The following TXNRD1 variants were observed in gnomAD, a reference collection of about 807,000 sequenced individuals.
The protein encoded by TXNRD1 is thioredoxin reductase 1, also known as thioredoxin reductase 1, cytoplasmic.
TXNRD1 carries 57 observed loss-of-function variants against 80.3 expected under a neutral mutation model. That is an observed-to-expected ratio of 0.71 (90% CI 0.57 to 0.89). The LOEUF is 0.89. TXNRD1 is among the 40% of genes least tolerant of loss of function. TXNRD1 has a pLI of 0.00. For missense variants in TXNRD1, 730 were observed against 803.0 expected, an observed-to-expected ratio of 0.91 and a Z score of 1.10; for synonymous variants, 291 against 285.2, an observed-to-expected ratio of 1.02 and a Z score of -0.20.
In TXNRD1 at chr12:104,251,427, G is replaced by A. The variant is rs901920024; in HGVS notation, c.92-100G>A. On this transcript the variant is annotated intron_variant, in intron 1 of 16. Coordinates refer to ENST00000525566, the MANE Select transcript of TXNRD1 (RefSeq NM_001093771.3). ...TCAGATTCCTTATTTTGGCCTGTGG[G>A]ACTTAAATGGTAATGCTTTTAGAGT... is the stretch of plus-strand genomic sequence containing the variant. 18 of 1,266,314 alleles carry A rather than the reference G, an allele frequency of 1.4e-5. No homozygotes were observed. The African/African-American group carries it at 1.9e-4, about 14-fold the overall frequency. 78.4% of individuals were successfully genotyped at this position (1,266,314 alleles called of 1,614,324 possible).
intron 1 of TXNRD1, among the ~76,000 whole-genome samples, chr12:104,245,923 C>T (rs1465478544): frequency 6.6e-6 from 1 of 151,726 alleles, no homozygotes; most frequent in African/African-American, 2.4e-5. Context: ...GCCTGGCTAA[C>T]ATGGTGAAAC....
At chr12:104,217,285 T>TA (rs200665371) in intron 1 of TXNRD1, among the ~76,000 whole-genome samples, 3,408 of 145,916 alleles carry the variant, frequency 0.023, 120 homozygotes, top group African/African-American at 0.081. Flanking sequence ...TGTGTGTGGT[T>TA]AAAAAAAAAA....
chr12:104,273,731 A>T (rs2135727667), intron 3 of TXNRD1, among the ~76,000 whole-genome samples: 1 of 152,354 alleles, frequency 6.6e-6, no homozygotes, highest in Non-Finnish European at 1.5e-5. Flanking sequence ...GCCATCCTGC[A>T]CATCCAGAAG....
rs183928805 is a variant in TXNRD1 at position 104,217,270 on chromosome 12, C to A, written c.91+1377C>A. Among the ~76,000 whole-genome samples the A allele has an allele frequency of 4.2e-5, 6 of 143,700 alleles. No homozygotes were observed. The East Asian group carries it at 8.3e-4, about 20-fold the overall frequency. The allele number at this position is 143,700 out of a possible 152,430, so 94.3% of individuals were successfully genotyped here. A position where few individuals can be genotyped will look rare whatever the true frequency, so the allele number is the denominator to read the frequency against. On this transcript the variant is annotated intron_variant, in intron 1 of 16. Transcript: ENST00000525566. ...TTTACTGTTTTTCTTTAGCTACATT[C>A]TTTTTGTGTGTGGTTAAAAAAAAAA...
At chr12:104,307,756 C>CT (rs1180144694) in intron 4 of TXNRD1, among the ~76,000 whole-genome samples, 1 of 152,048 alleles carries the variant, frequency 6.6e-6, no homozygotes, top group Non-Finnish European at 1.5e-5. Context: ...GTTTTGTGCC[C>CT]TTTTTGGGGG....
At chr12:104,333,296 A>T (rs1297699023) in intron 14 of TXNRD1, among the ~76,000 whole-genome samples, 1 of 151,954 alleles carries the variant, frequency 6.6e-6, no homozygotes, top group African/African-American at 2.4e-5. Context: ...TATATTTCAT[A>T]TTTCTTGATA....
intron 13 of TXNRD1, 58 bp from the exon 14 acceptor site, chr12:104,331,476 C>CT (rs996085716): frequency 6.1e-4 from 707 of 1,154,396 alleles, no homozygotes; most frequent in Middle Eastern, 8.4e-4. Flanking sequence ...TTTTGAATAC[C>CT]TTTTTTTTTA....
chr12:104,336,284 A>G (rs548376495), intron 15 of TXNRD1, among the ~76,000 whole-genome samples: 1 of 152,330 alleles, frequency 6.6e-6, no homozygotes, highest in Admixed American at 6.5e-5. Flanking sequence ...GTGGAAAATA[A>G]TTTTCCTACC....
chr12:104,230,958 T>C (rs1211229325), intron 1 of TXNRD1, among the ~76,000 whole-genome samples: 2 of 152,104 alleles, frequency 1.3e-5, no homozygotes, highest in African/African-American at 2.4e-5. Context: ...GGGGTGACCA[T>C]GTTGCCAGGC....
At chr12:104,322,696 A>G (rs1437468965) in intron 10 of TXNRD1, among the ~76,000 whole-genome samples, 23 of 152,080 alleles carry the variant, frequency 1.5e-4, no homozygotes, top group Admixed American at 1.5e-3. Flanking sequence ...TGTTTTTTAG[A>G]GTAGAGGTAT....
intron 3 of TXNRD1, chr12:104,265,502 G>A: frequency 6.2e-7 from 1 of 1,610,786 alleles, no homozygotes; most frequent in East Asian, 2.2e-5. Context: ...GTCTACTGTG[G>A]GCAGGTGTTT....
rs774379762 is a variant in TXNRD1 at position 104,289,026 on chromosome 12, G to T, written c.400G>T (p.Gly134Cys). The T allele has an allele frequency of 6.2e-7, 1 of 1,613,996 alleles. No individual in the cohort carries two copies. Among genetic ancestry groups the T allele is most frequent in the Non-Finnish European group, 8.5e-7 (1 of 1,179,862 alleles). Reference protein sequence around the residue: ...FVKQRKIGGHGPTLKAYQEGR... With the variant: ...FVKQRKIGGHCPTLKAYQEGR... ...GAAACAGAGAAAGATAGGCGGCCAT[G>T]GTCCAACCTTGAAGGTAGGAGAGAG... The change falls in exon 4 of 17, where the codon GGT (glycine) becomes TGT (cysteine). Residue 134 changes from glycine to cysteine, a missense_variant. Physicochemically the swap from Gly to Cys is radical, Grantham distance 159 (BLOSUM62 -3). Coordinates refer to ENST00000525566, the MANE Select transcript of TXNRD1 (RefSeq NM_001093771.3).
intron 1 of TXNRD1, among the ~76,000 whole-genome samples, chr12:104,234,286 G>T (rs778209326): frequency 6.6e-6 from 1 of 151,982 alleles, no homozygotes; most frequent in African/African-American, 2.4e-5. Flanking sequence ...AAAAGTATTT[G>T]ATTTAAGCAC....
At chr12:104,262,856 A>G (rs1196475383) in intron 3 of TXNRD1, among the ~76,000 whole-genome samples, 3 of 149,940 alleles carry the variant, frequency 2.0e-5, no homozygotes, top group Non-Finnish European at 4.4e-5. Flanking sequence ...GCCTAACTGG[A>G]TTGGTAATGG....
intron 1 of TXNRD1, among the ~76,000 whole-genome samples, chr12:104,235,724 G>A (rs1250480358): frequency 6.6e-6 from 1 of 152,184 alleles, no homozygotes; most frequent in African/African-American, 2.4e-5. Context: ...AGGTTAGAAT[G>A]CAGGCCCAGA....
At chr12:104,318,013 C>A (rs1179187188) in intron 7 of TXNRD1, among the ~76,000 whole-genome samples, 1 of 152,154 alleles carries the variant, frequency 6.6e-6, no homozygotes, top group Non-Finnish European at 1.5e-5. Context: ...TGATGGCCCA[C>A]ACTTGTAGTC....
chr12:104,246,819 C>G (rs546505987), intron 1 of TXNRD1, among the ~76,000 whole-genome samples: 2 of 152,194 alleles, frequency 1.3e-5, no homozygotes, highest in South Asian at 4.1e-4. Flanking sequence ...CTGTACCCGG[C>G]CACATGATGG....
At chr12:104,265,303 C>T in intron 3 of TXNRD1, 1 of 1,600,004 alleles carries the variant, frequency 6.2e-7, no homozygotes, top group Non-Finnish European at 8.5e-7. Flanking sequence ...ACGCGGAGAG[C>T]ACGCCATGAA....
At chr12:104,269,400 T>C (rs2033604898) in intron 3 of TXNRD1, among the ~76,000 whole-genome samples, 1 of 61,604 alleles carries the variant, frequency 1.6e-5, no homozygotes, top group Non-Finnish European at 4.4e-5. Context: ...TGTTTCTTTC[T>C]TTTTTTTTTT....
Sources: gnomAD v4.1 joint callset for allele counts (sites outside exome capture counted in the v4.1 genomes callset) on GRCh38, gnomAD v4.1.1 for gene constraint, MANE v1.5 for transcripts, NCBI Gene and HGNC (gene_info 2026-07-23, HGNC 2026-07-21) for gene names.